The following MBNL2 variants were observed in gnomAD, a reference collection of about 807,000 sequenced individuals.
The protein encoded by MBNL2 is muscleblind like splicing regulator 2, also known as muscleblind-like protein 2.
In MBNL2, 17 loss-of-function variants were observed where a neutral mutation model predicts 41.9. The ratio of observed to expected loss-of-function variants is 0.41; its 90% CI spans 0.28 to 0.61. The LOEUF is 0.61. Among genes scored for constraint, MBNL2 ranks in the 20% least tolerant of loss-of-function variants. The pLI is 0.35. For missense variants in MBNL2, 336 were observed against 505.6 expected, an observed-to-expected ratio of 0.66 and a Z score of 3.22; for synonymous variants, 195 against 182.9, an observed-to-expected ratio of 1.07 and a Z score of -0.53.
chr13:97,193,231 C>T, the MBNL2 span, among the ~76,000 whole-genome samples: 1 of 152,234 alleles, frequency 6.6e-6, no homozygotes, highest in Non-Finnish European at 1.5e-5. Flanking sequence ...CGGACCAATG[C>T]ATTCTCTGAA....
At chr13:97,375,181 C>T (rs1230641859) in intron 8 of MBNL2, among the ~76,000 whole-genome samples, 55 of 152,220 alleles carry the variant, frequency 3.6e-4, no homozygotes. Flanking sequence ...GGCATTTGCT[C>T]TGGTCTCTCA....
At chr13:97,220,625 C>T (rs1410755), upstream of MBNL2, among the ~76,000 whole-genome samples, 68,035 of 152,036 alleles carry the variant, frequency 0.45, 18,565 homozygotes, top group Non-Finnish European at 0.6. Context: ...TTAAAAAACC[C>T]GTCTGGCAAC....
intron 5 of MBNL2, among the ~76,000 whole-genome samples, chr13:97,350,358 T>TGG (rs2062328574): frequency 6.6e-6 from 1 of 152,146 alleles, no homozygotes; most frequent in Admixed American, 6.5e-5. Context: ...CTGATTAGGG[T>TGG]GGTGACTGGT....
In MBNL2 at chr13:97,346,276, G is replaced by A. The variant is rs1439883611; in HGVS notation, c.541-528G>A. 1.3e-5 allele frequency among the ~76,000 whole-genome samples: 2 copies of A among 151,860 alleles called. No individual in the cohort carries two copies. The highest frequency in any genetic ancestry group is 2.9e-5 in the Non-Finnish European group (2 of 67,982). ...GGATGGATGGATGGATGGATGGATA[G>A]ATGGATGGGTGGATGGATAGATAGA... On this transcript the variant is annotated intron_variant, in intron 4 of 8. Transcript: ENST00000679496. This position sits in a 1 kb window ranked among gnomAD's most constrained non-coding sequence, Gnocchi z 4.2.
intron 2 of MBNL2, among the ~76,000 whole-genome samples, chr13:97,302,515 A>T (rs531588247): frequency 6.6e-6 from 1 of 152,330 alleles, no homozygotes; most frequent in South Asian, 2.1e-4. Context: ...CACAATGCCA[A>T]TTTCTTTAAA....
chr13:97,275,875 A>T lies in MBNL2; in HGVS notation c.-361A>T, dbSNP rs1296890710. On this transcript the variant is annotated 5_prime_UTR_variant, in exon 2 of 9. Transcript: ENST00000679496. The stretch of plus-strand genomic sequence containing the variant: ...TGTCTTATTTTCCAACATCGTCAAT[A>T]GCTGTGAGCGTCAGCATTAAATATT... 5.8e-6 allele frequency: 1 copy of T among 172,016 alleles called. No individual in the cohort carries two copies. The highest frequency in any genetic ancestry group is 1.2e-5 in the Non-Finnish European group (1 of 81,548). 10.7% of individuals were successfully genotyped at this position (172,016 alleles called of 1,614,324 possible).
chr13:97,284,419 C>G (rs2054026403), intron 2 of MBNL2, among the ~76,000 whole-genome samples: 1 of 152,152 alleles, frequency 6.6e-6, no homozygotes, highest in Non-Finnish European at 1.5e-5. Context: ...TGCTGTGTGT[C>G]TCCCTTCACA....
chr13:97,335,948 A>G (rs1452216558), intron 3 of MBNL2, among the ~76,000 whole-genome samples: 4 of 152,226 alleles, frequency 2.6e-5, no homozygotes, highest in Non-Finnish European at 5.9e-5. Context: ...TACATATTAA[A>G]TAATGTCTAT....
chr13:97,306,074 C>G (rs1285449293), intron 2 of MBNL2, among the ~76,000 whole-genome samples: 3 of 152,234 alleles, frequency 2.0e-5, no homozygotes, highest in East Asian at 1.9e-4. Context: ...TTCCCTTTCT[C>G]TCTTCACACA....
At chr13:97,246,878 AT>A (rs2045577687) in intron 1 of MBNL2, among the ~76,000 whole-genome samples, 1 of 152,154 alleles carries the variant, frequency 6.6e-6, no homozygotes, top group Admixed American at 6.6e-5. Context: ...TAATATACTT[AT>A]TGCTGTTCTG....
intron 8 of MBNL2, among the ~76,000 whole-genome samples, chr13:97,373,061 A>G (rs2064542383): frequency 6.6e-6 from 1 of 152,176 alleles, no homozygotes; most frequent in Admixed American, 6.5e-5. Flanking sequence ...CCTGAAATAC[A>G]TGGTAAAGTG....
chr13:97,361,758 ATTTTTTTTTTTTT>A (rs71117641), intron 7 of MBNL2, among the ~76,000 whole-genome samples: 1 of 56,318 alleles, frequency 1.8e-5, no homozygotes, highest in Non-Finnish European at 3.2e-5. Flanking sequence ...TATAGGCGTA[ATTTTTTTTTTTTT>A]TTTTTTTTTT....
intron 8 of MBNL2, among the ~76,000 whole-genome samples, chr13:97,365,780 T>G (rs550932299): frequency 6.6e-6 from 1 of 152,330 alleles, no homozygotes; most frequent in South Asian, 2.1e-4. Flanking sequence ...GGTACAAACG[T>G]CTGTCTTTAG....
At chr13:97,194,946 A>G in the MBNL2 span, among the ~76,000 whole-genome samples, 6 of 152,224 alleles carry the variant, frequency 3.9e-5, no homozygotes, top group Non-Finnish European at 8.8e-5. Flanking sequence ...TTAGCATATC[A>G]TCAAAAAGTA....
At chr13:97,350,636 A>T (rs976406408) in intron 5 of MBNL2, among the ~76,000 whole-genome samples, 2 of 152,268 alleles carry the variant, frequency 1.3e-5, no homozygotes, top group African/African-American at 4.8e-5. Flanking sequence ...AGCCAAGAGT[A>T]GAACCCATCT....
the MBNL2 span, among the ~76,000 whole-genome samples, chr13:97,198,331 A>G: frequency 1.3e-5 from 2 of 151,852 alleles, no homozygotes; most frequent in South Asian, 4.2e-4. Context: ...GGCTCTTCCT[A>G]GGTCTCAAGC....
At chr13:97,380,592 A>G (rs932543614) in intron 8 of MBNL2, among the ~76,000 whole-genome samples, 5 of 152,160 alleles carry the variant, frequency 3.3e-5, no homozygotes, top group Non-Finnish European at 5.9e-5. Context: ...TCCTGCTCTC[A>G]TGGGTCTTAC....
rs1566378056 is a variant in MBNL2 at position 97,268,256 on chromosome 13, GC to G, written c.-604-7373del. ...ATTACAGGCGTGCGCCACCATGCAC[GC>G]CCGGCTAAATTTTTTTCTATTTTTT... On this transcript the variant is annotated intron_variant, in intron 1 of 8. Coordinates refer to ENST00000679496, the MANE Select transcript of MBNL2 (RefSeq NM_001382683.1). This position sits in a 1 kb window ranked among gnomAD's most constrained non-coding sequence, Gnocchi z 4.6. Among the ~76,000 whole-genome samples, 1 of 152,102 alleles carries G rather than the reference GC, an allele frequency of 6.6e-6. No individual in the cohort carries two copies. Among genetic ancestry groups the G allele is most frequent in the African/African-American group, 2.4e-5 (1 of 41,418 alleles).
the MBNL2 span, among the ~76,000 whole-genome samples, chr13:97,175,382 T>G: frequency 6.6e-6 from 1 of 152,158 alleles, no homozygotes. Context: ...TCAGAGGATT[T>G]GAACTGACCA....
Sources: allele counts gnomAD v4.1 joint callset (sites outside exome capture counted in the v4.1 genomes callset), GRCh38; gene constraint gnomAD v4.1.1; non-coding constraint Gnocchi (gnomAD v3.1); transcripts MANE v1.5; gene names NCBI Gene and HGNC (gene_info 2026-07-23, HGNC 2026-07-21).